Variants in MARK1 observed in about 807,000 individuals in gnomAD.
MARK1 encodes serine/threonine-protein kinase MARK1.
In MARK1, 40 loss-of-function variants were observed where a neutral mutation model predicts 96.3. The ratio of observed to expected loss-of-function variants is 0.42; its 90% CI spans 0.32 to 0.54. The LOEUF (loss-of-function observed/expected upper bound fraction) is 0.54, where lower values mean the gene tolerates loss of function less well. MARK1 is among the 20% of genes least tolerant of loss of function. The probability of loss-of-function intolerance (pLI) is 0.16; values close to 1 mark genes in which losing one functional copy is unlikely to be tolerated. For synonymous variants in MARK1, 317 were observed against 341.2 expected (o/e 0.93, Z 0.78); for missense variants, 719 against 984.6 (o/e 0.73, Z 3.61).
At chr1:220,612,851 G>C (rs1008866586) in intron 6 of MARK1, among the ~76,000 whole-genome samples, 3 of 151,844 alleles carry the variant, frequency 2.0e-5, no homozygotes, top group African/African-American at 7.3e-5. Flanking sequence ...AAGACACTTG[G>C]GCAGTTTAAG....
intron 1 of MARK1, among the ~76,000 whole-genome samples, chr1:220,568,822 G>A (rs994843185): frequency 6.6e-6 from 1 of 152,094 alleles, no homozygotes; most frequent in Non-Finnish European, 1.5e-5. Flanking sequence ...TGGACTTTGT[G>A]CTTGCTTCTG....
At chr1:220,624,165 G>T (rs962760833) in intron 9 of MARK1, among the ~76,000 whole-genome samples, 10 of 151,908 alleles carry the variant, frequency 6.6e-5, no homozygotes, top group African/African-American at 2.2e-4. Flanking sequence ...GGGCATGGTG[G>T]CGAGCGCCTG....
intron 3 of MARK1, among the ~76,000 whole-genome samples, chr1:220,592,764 G>A (rs1432491436): frequency 6.6e-6 from 1 of 152,202 alleles, no homozygotes; most frequent in Non-Finnish European, 1.5e-5. Flanking sequence ...TCAACTGCTT[G>A]GAGTGTAAGG....
In MARK1 at chr1:220,579,003, C is replaced by T. The variant is rs1016722108; in HGVS notation, c.52-351C>T. Among the ~76,000 whole-genome samples, 11 of 152,030 alleles carry T rather than the reference C, an allele frequency of 7.2e-5. No homozygotes were observed. In the East Asian group the frequency reaches 1.6e-3, roughly 22 times the overall value. ...GATTACAGGCACGTGCCACCACAAC[C>T]GGCTAATTTTTGTGTTTTTGTAGAG... On this transcript the variant is annotated intron_variant, in intron 1 of 17. Transcript: ENST00000366917.
rs910325250 is a variant in MARK1 at position 220,528,843 on chromosome 1, G to A, written c.21G>A (p.Leu7=). MSARTP[L]PTVNERDTEN... ...ACAAAATGTCGGCCCGGACGCCATT[G>A]CCGACGGTGAACGAGCGGGACACGG... Residue 7 remains leucine (L), a synonymous_variant, in exon 1 of 18, where the codon TTG becomes TTA. Coordinates refer to ENST00000366917, the MANE Select transcript of MARK1 (RefSeq NM_018650.5). The A allele has an allele frequency of 2.5e-6, 4 of 1,568,870 alleles. No homozygotes were observed. In the African/African-American group the frequency reaches 5.4e-5, roughly 21 times the overall value.
At chr1:220,626,200 A>G in intron 9 of MARK1, 1 of 564,572 alleles carries the variant, frequency 1.8e-6, no homozygotes. Context: ...CATCAATGAC[A>G]TTGTCTTGGC....
At chr1:220,586,770 T>A (rs1314006548) in intron 3 of MARK1, among the ~76,000 whole-genome samples, 1 of 152,214 alleles carries the variant, frequency 6.6e-6, no homozygotes, top group Non-Finnish European at 1.5e-5. Flanking sequence ...AAGTTTAGAC[T>A]AACTATCTGG....
chr1:220,620,031 A>G (rs1181191259), intron 9 of MARK1, among the ~76,000 whole-genome samples: 1 of 152,208 alleles, frequency 6.6e-6, no homozygotes, highest in Non-Finnish European at 1.5e-5. Flanking sequence ...ATTTCCACAA[A>G]TATTTTTCAG....
At chr1:220,572,098 A>G (rs1485236584) in intron 1 of MARK1, 1 of 152,238 alleles carries the variant, frequency 6.6e-6, no homozygotes, top group Non-Finnish European at 1.5e-5. Flanking sequence ...AAAGAGAACT[A>G]AAATATCTAT....
intron 1 of MARK1, among the ~76,000 whole-genome samples, chr1:220,535,012 C>T (rs1257793628): frequency 6.6e-6 from 1 of 151,992 alleles, no homozygotes; most frequent in East Asian, 1.9e-4. Flanking sequence ...CTTCAAGATC[C>T]TGATTTTAGT....
At chr1:220,596,261 A>T (rs1665338912) in intron 3 of MARK1, among the ~76,000 whole-genome samples, 1 of 152,076 alleles carries the variant, frequency 6.6e-6, no homozygotes, top group Admixed American at 6.6e-5. Flanking sequence ...TGGAAGACTG[A>T]GAGGGGTCAT....
At position 220,618,426 on chromosome 1, in the gene MARK1, T is replaced by C; in HGVS notation, c.669T>C (p.Ala223=). 6.2e-7 allele frequency: 1 copy of C among 1,614,216 alleles called. No homozygotes were observed. Among genetic ancestry groups the C allele is most frequent in the African/African-American group, 1.3e-5 (1 of 75,074 alleles). ...CATTTTGTGGAAGCCCACCCTATGCTGCTCCCGAGCTTTTCCAAGGAAAGA... is the reference window on the plus strand; with the variant it reads ...CATTTTGTGGAAGCCCACCCTATGCCGCTCCCGAGCTTTTCCAAGGAAAGA... ...LDTFCGSPPY[A]APELFQGKKY... is the part of the protein sequence containing the mutation. Residue 223 remains alanine, a synonymous_variant, in exon 8 of 18, where the codon GCT becomes GCC. Coordinates refer to ENST00000366917, the MANE Select transcript of MARK1 (RefSeq NM_018650.5). The surrounding 1 kb of genome is among the most constrained non-coding windows in gnomAD (Gnocchi z 4.6).
At chr1:220,644,954 A>G (rs1668499762) in intron 13 of MARK1, among the ~76,000 whole-genome samples, 1 of 152,190 alleles carries the variant, frequency 6.6e-6, no homozygotes, top group Non-Finnish European at 1.5e-5. Context: ...TTATAGCACT[A>G]AATACCACAT....
chr1:220,533,222 A>G (rs1048055711), intron 1 of MARK1, among the ~76,000 whole-genome samples: 3 of 152,086 alleles, frequency 2.0e-5, no homozygotes, highest in East Asian at 1.9e-4. Flanking sequence ...ATTGCAGCTA[A>G]TATTGTTGTT....
At position 220,650,818 on chromosome 1, in the gene MARK1, G is replaced by A. The variant is rs1420137650; in HGVS notation, c.1571+98G>A. The A allele has an allele frequency of 5.3e-6, 4 of 755,702 alleles. No individual in the cohort carries two copies. The African/African-American group carries it at 5.3e-5, about 10-fold the overall frequency. The allele number at this position is 755,702 out of a possible 1,614,324, so 46.8% of individuals were successfully genotyped here. The stretch of plus-strand genomic sequence containing the variant: ...AGCCGAATGGGTCAGGAGAAAAGCA[G>A]TTATTACATGAAATAGTAAGATTGC... On this transcript the variant is annotated intron_variant, in intron 14 of 17. Transcript: ENST00000366917.
chr1:220,628,102 T>C (rs1667452467), intron 9 of MARK1: 1 of 152,232 alleles, frequency 6.6e-6, no homozygotes, highest in Non-Finnish European at 1.5e-5. Context: ...AGTGGAAAGA[T>C]GTCTTTTGTT....
At chr1:220,612,053 T>C (rs1666477125) in intron 6 of MARK1, among the ~76,000 whole-genome samples, 1 of 152,214 alleles carries the variant, frequency 6.6e-6, no homozygotes, top group Non-Finnish European at 1.5e-5. Flanking sequence ...TTTTAAGTAT[T>C]ATTCATTTAA....
intron 1 of MARK1, among the ~76,000 whole-genome samples, chr1:220,559,282 C>A (rs768055613): frequency 2.6e-5 from 4 of 151,986 alleles, no homozygotes; most frequent in Non-Finnish European, 4.4e-5. Flanking sequence ...GTTGTGGAAG[C>A]CAAGAGAATA....
chr1:220,547,056 T>A (rs1390294206), intron 1 of MARK1, among the ~76,000 whole-genome samples: 1 of 152,156 alleles, frequency 6.6e-6, no homozygotes, highest in Non-Finnish European at 1.5e-5. Context: ...AGCTAGTTTA[T>A]CTTGGATCAA....
Sources: gnomAD v4.1 joint callset for allele counts (sites outside exome capture counted in the v4.1 genomes callset) on GRCh38, gnomAD v4.1.1 for gene constraint, Gnocchi (gnomAD v3.1) non-coding constraint, MANE v1.5 for transcripts, NCBI Gene and HGNC (gene_info 2026-07-23, HGNC 2026-07-21) for gene names.